The following C6 variants were observed in gnomAD, a reference collection of about 807,000 sequenced individuals.
C6 encodes complement component C6.
C6 carries 101 observed loss-of-function variants against 112.9 expected under a neutral mutation model. The observed-to-expected ratio is 0.89, with a 90% confidence interval of 0.76 to 1.06. The LOEUF is 1.06. Ranked by LOEUF, C6 falls within the 50% of genes least tolerant of loss-of-function variation. The pLI, the probability that C6 is intolerant of heterozygous loss-of-function variation, is 0.00. For synonymous variants in C6, 431 were observed against 384.1 expected (o/e 1.12, Z -1.43); for missense variants, 1,202 against 1,104.6 (o/e 1.09, Z -1.25).
intron 6 of C6, among the ~76,000 whole-genome samples, chr5:41,185,535 G>A (rs1244793819): frequency 6.6e-6 from 1 of 152,108 alleles, no homozygotes; most frequent in Non-Finnish European, 1.5e-5. Context: ...TCTGAGAGTA[G>A]GTAGTATGCT....
chr5:41,259,588 T>C (rs1446070913), intron 1 of C6, among the ~76,000 whole-genome samples: 1 of 152,028 alleles, frequency 6.6e-6, no homozygotes, highest in Non-Finnish European at 1.5e-5. Context: ...ACTTAAACTG[T>C]TTTCAGCACA....
At chr5:41,211,633 C>T (rs531225093) in intron 1 of C6, among the ~76,000 whole-genome samples, 1 of 152,156 alleles carries the variant, frequency 6.6e-6, no homozygotes, top group Admixed American at 6.5e-5. Flanking sequence ...GAAGCCACTC[C>T]CCTATACCCT....
At chr5:41,260,341 T>C (rs554687703) in intron 1 of C6, among the ~76,000 whole-genome samples, 1 of 152,044 alleles carries the variant, frequency 6.6e-6, no homozygotes, top group East Asian at 1.9e-4. Context: ...ACTACAAATA[T>C]TGGAGGCACA....
At chr5:41,152,418 T>C (rs2150239556) in intron 15 of C6, among the ~76,000 whole-genome samples, 1 of 152,230 alleles carries the variant, frequency 6.6e-6, no homozygotes, top group African/African-American at 2.4e-5. Context: ...ACACATTTTC[T>C]TGATCTGGAT....
intron 1 of C6, among the ~76,000 whole-genome samples, chr5:41,246,226 C>T (rs188110709): frequency 1.3e-5 from 2 of 152,292 alleles, no homozygotes; most frequent in East Asian, 3.9e-4. Flanking sequence ...CTCTTGGATT[C>T]CATGCCTCTT....
intron 10 of C6, 134 bp downstream of exon 10, chr5:41,161,559 T>G: frequency 2.6e-6 from 2 of 769,914 alleles, no homozygotes; most frequent in Non-Finnish European, 4.6e-6. Context: ...AAAAGGTACA[T>G]TGTGCATGAA....
intron 1 of C6, among the ~76,000 whole-genome samples, chr5:41,210,987 C>A (rs1167737334): frequency 6.6e-6 from 1 of 152,124 alleles, no homozygotes; most frequent in Non-Finnish European, 1.5e-5. Context: ...GGAACCAACC[C>A]AAATGTCCAT....
intron 1 of C6, among the ~76,000 whole-genome samples, chr5:41,219,988 C>G (rs1186154408): frequency 6.6e-6 from 1 of 152,070 alleles, no homozygotes. Context: ...AATGAAAGAA[C>G]AGGAACAAAT....
chr5:41,225,374 A>T (rs1191754877), intron 1 of C6, among the ~76,000 whole-genome samples: 13 of 152,208 alleles, frequency 8.5e-5, no homozygotes, highest in African/African-American at 3.1e-4. Context: ...AGCTTTATCC[A>T]TATCCCTACA....
At chr5:41,253,544 G>A (rs769919289) in intron 1 of C6, among the ~76,000 whole-genome samples, 6 of 152,096 alleles carry the variant, frequency 3.9e-5, no homozygotes, top group Non-Finnish European at 5.9e-5. Context: ...CTTTTATCAA[G>A]GCTGTAAACT....
intron 1 of C6, among the ~76,000 whole-genome samples, chr5:41,258,769 A>G (rs558710572): frequency 2.1e-4 from 32 of 152,302 alleles, no homozygotes; most frequent in African/African-American, 6.7e-4. Flanking sequence ...AGGAAAATTA[A>G]CAATCATGGC....
chr5:41,254,503 T>C (rs1741562118), intron 1 of C6, among the ~76,000 whole-genome samples: 1 of 152,230 alleles, frequency 6.6e-6, no homozygotes, highest in Admixed American at 6.5e-5. Flanking sequence ...TAGCCTCCAT[T>C]TCTTAGGTTT....
At chr5:41,173,352 C>T (rs1025847733) in intron 8 of C6, among the ~76,000 whole-genome samples, 1 of 152,130 alleles carries the variant, frequency 6.6e-6, no homozygotes, top group African/African-American at 2.4e-5. Context: ...TCTCAATGGC[C>T]TCAGAATCTG....
intron 6 of C6, among the ~76,000 whole-genome samples, chr5:41,182,261 G>GT (rs1239250467): frequency 2.6e-4 from 39 of 148,414 alleles, no homozygotes; most frequent in Admixed American, 6.1e-4. Flanking sequence ...ACTTCCCCCC[G>GT]CCCCTTTTTT....
chr5:41,216,600 C>T (rs956530271), upstream of C6, among the ~76,000 whole-genome samples: 1 of 152,100 alleles, frequency 6.6e-6, no homozygotes, highest in African/African-American at 2.4e-5. Context: ...TCCTCCTATC[C>T]TTTTAGATGC....
intron 9 of C6, among the ~76,000 whole-genome samples, chr5:41,162,128 A>C (rs897122435): frequency 1.6e-4 from 24 of 152,214 alleles, no homozygotes; most frequent in Non-Finnish European, 2.4e-4. Flanking sequence ...TATAATTCTC[A>C]TGACAACCCT....
In C6 at chr5:41,258,483, G is replaced by A. The variant is rs200944785; in HGVS notation, c.-21+2711C>T. ...TAACAGAAAAAGTTTCTAACTGGAA[G>A]GCAGACATGCCCTTTTCTAAATGTC... is the stretch of plus-strand genomic sequence containing the variant. On this transcript the variant is annotated intron_variant, in intron 1 of 17. Transcript: ENST00000263413. 1.3e-4 allele frequency among the ~76,000 whole-genome samples: 20 copies of A among 152,258 alleles called. No homozygotes were observed. The East Asian group carries it at 2.7e-3, about 21-fold the overall frequency.
Position 41,149,955 on chromosome 5 carries a change from C to G in C6, c.2361G>C (p.Met787Ile). The change falls in exon 16 of 18, where the codon ATG becomes ATC. Residue 787 changes from methionine to isoleucine, a missense_variant. By Grantham distance (10) the Met-to-Ile change is conservative. Coordinates refer to ENST00000337836, the MANE Select transcript of C6 (RefSeq NM_000065.5). Reference protein sequence around the residue: ...QKQSGSECICMSPEEDCSHHS... With the variant: ...QKQSGSECICISPEEDCSHHS... The stretch of plus-strand genomic sequence containing the variant: ...CTTACCTACAGTCTTCTTCTGGAGA[C>G]ATACAAATGCATTCAGATCCTGATT... 2 of 1,611,836 alleles carry G rather than the reference C, an allele frequency of 1.2e-6. No individual in the cohort carries two copies. The highest frequency in any genetic ancestry group is 1.7e-6 in the Non-Finnish European group (2 of 1,178,028).
chr5:41,233,100 A>G (rs755102954), intron 1 of C6, among the ~76,000 whole-genome samples: 4 of 152,108 alleles, frequency 2.6e-5, no homozygotes, highest in Non-Finnish European at 4.4e-5. Flanking sequence ...ATTTGACAAC[A>G]TATTATAAAC....
Sources: gnomAD v4.1 joint callset for allele counts (sites outside exome capture counted in the v4.1 genomes callset) on GRCh38, gnomAD v4.1.1 for gene constraint, MANE v1.5 for transcripts, NCBI Gene and HGNC (gene_info 2026-07-23, HGNC 2026-07-21) for gene names.